The following CDK14 variants were observed in gnomAD, a reference collection of about 807,000 sequenced individuals.
The protein encoded by CDK14 is cyclin dependent kinase 14, also known as cyclin-dependent kinase 14.
Under a neutral mutation model 60.7 loss-of-function variants are expected in CDK14, and 34 were observed. The ratio of observed to expected loss-of-function variants is 0.56; its 90% CI spans 0.43 to 0.75. The LOEUF is 0.75. Ranked by LOEUF, CDK14 falls within the 30% of genes least tolerant of loss-of-function variation. CDK14 has a pLI of 0.00. For missense variants in CDK14, 482 were observed against 564.1 expected (o/e 0.85, Z 1.47); for synonymous variants, 197 against 203.7 (o/e 0.97, Z 0.28).
chr7:90,817,894 C>T (rs1359455971), intron 5 of CDK14, among the ~76,000 whole-genome samples: 1 of 152,098 alleles, frequency 6.6e-6, no homozygotes, highest in Non-Finnish European at 1.5e-5. Context: ...CCGGATGGTT[C>T]ATGGTGGGTA....
chr7:91,013,664 T>TTTG (rs1796224542), intron 10 of CDK14, among the ~76,000 whole-genome samples: 1 of 151,032 alleles, frequency 6.6e-6, no homozygotes, highest in Non-Finnish European at 1.5e-5. Context: ...CTGTTTTTTT[T>TTTG]TTTTTTTTTT....
At chr7:90,771,914 A>G (rs1408161782) in intron 4 of CDK14, among the ~76,000 whole-genome samples, 1 of 152,220 alleles carries the variant, frequency 6.6e-6, no homozygotes, top group African/African-American at 2.4e-5. Flanking sequence ...ATTGCTATCA[A>G]CAGTACTGTA....
chr7:90,636,970 C>A (rs368634275), intron 2 of CDK14, among the ~76,000 whole-genome samples: 1 of 151,140 alleles, frequency 6.6e-6, no homozygotes, highest in Non-Finnish European at 1.5e-5. Flanking sequence ...TCTGTGGGAT[C>A]GGTGGTGATA....
At chr7:91,016,708 A>G (rs1039330904) in intron 10 of CDK14, among the ~76,000 whole-genome samples, 1 of 152,196 alleles carries the variant, frequency 6.6e-6, no homozygotes, top group Non-Finnish European at 1.5e-5. Context: ...CACTGCTACT[A>G]TGTATGCTAG....
rs1563030139 is a variant in CDK14 at position 90,649,398 on chromosome 7, T to TTCCTTCC, written c.123+45150_123+45151insCCTTCCT. On this transcript the variant is annotated intron_variant, in intron 2 of 14. Transcript: ENST00000380050. ...CCTTCCTTCCTTCCTTCCTTCCTTCTTTCTTTCTTTCTTTCTTTCTTTCCT... is the reference window on the plus strand; with the variant it reads ...CCTTCCTTCCTTCCTTCCTTCCTTCTTCCTTCCTTCTTTCTTTCTTTCTTTCTTTCCT... Among the ~76,000 whole-genome samples the TTCCTTCC allele has an allele frequency of 2.1e-3, 76 of 36,348 alleles. 12 individuals carry two copies. Among genetic ancestry groups the TTCCTTCC allele is most frequent in the Non-Finnish European group, 2.4e-3 (49 of 20,544 alleles). The allele number at this position is 36,348 out of a possible 152,430, so 23.8% of individuals were successfully genotyped here.
chr7:91,197,019 A>G (rs1189449247), intron 14 of CDK14, among the ~76,000 whole-genome samples: 1 of 152,190 alleles, frequency 6.6e-6, no homozygotes, highest in African/African-American at 2.4e-5. Context: ...GGAAGTCACT[A>G]CTGTGCATAT....
intron 14 of CDK14, among the ~76,000 whole-genome samples, chr7:91,203,197 C>A (rs1229699307): frequency 6.6e-6 from 1 of 152,196 alleles, no homozygotes; most frequent in African/African-American, 2.4e-5. Flanking sequence ...GGTGGTGTAT[C>A]TGTGAATGGC....
intron 8 of CDK14, among the ~76,000 whole-genome samples, chr7:90,945,167 A>C (rs1794063811): frequency 2.6e-5 from 4 of 152,174 alleles, no homozygotes; most frequent in Admixed American, 2.0e-4. Context: ...AGCCCAGAGG[A>C]TCTATTAAGA....
At chr7:90,906,645 G>A (rs1206827107) in intron 7 of CDK14, among the ~76,000 whole-genome samples, 1 of 151,904 alleles carries the variant, frequency 6.6e-6, no homozygotes, top group African/African-American at 2.4e-5. Context: ...GTATATAATT[G>A]TGTATTGTAA....
intron 2 of CDK14, among the ~76,000 whole-genome samples, chr7:90,670,180 T>C (rs1182111352): frequency 2.0e-5 from 3 of 152,202 alleles, no homozygotes; most frequent in African/African-American, 4.8e-5. Flanking sequence ...ATTTGGGAAG[T>C]GGCATTAAGT....
At chr7:90,799,699 A>G (rs988654809) in intron 5 of CDK14, among the ~76,000 whole-genome samples, 1 of 148,210 alleles carries the variant, frequency 6.7e-6, no homozygotes, top group Non-Finnish European at 1.5e-5. Flanking sequence ...TCAAAAAAAA[A>G]AAAAAAAAAA....
At chr7:90,943,562 T>TATATTAATAGCCTTATGGTATAAATAAGA (rs1793999670) in intron 8 of CDK14, among the ~76,000 whole-genome samples, 1 of 152,222 alleles carries the variant, frequency 6.6e-6, no homozygotes, top group Non-Finnish European at 1.5e-5. Context: ...TGGTAGCTTG[T>TATATTAATAGCCTTATGGTATAAATAAGA]ATATTAATAG....
chr7:90,845,545 A>T (rs1310790385), intron 5 of CDK14, among the ~76,000 whole-genome samples: 1 of 151,912 alleles, frequency 6.6e-6, no homozygotes, highest in Admixed American at 6.6e-5. Flanking sequence ...ACAAAGAAAG[A>T]AAATATCCAA....
intron 9 of CDK14, among the ~76,000 whole-genome samples, chr7:90,962,254 A>G (rs1406151591): frequency 6.6e-6 from 1 of 152,208 alleles, no homozygotes; most frequent in Non-Finnish European, 1.5e-5. Context: ...TGGGAGGCCA[A>G]GGCGGGTGGA....
intron 2 of CDK14, among the ~76,000 whole-genome samples, chr7:90,718,019 T>G (rs1323575454): frequency 2.0e-5 from 3 of 151,998 alleles, no homozygotes; most frequent in South Asian, 4.1e-4. Flanking sequence ...TATATTTCAG[T>G]AACAAATTAT....
rs1228713373 is a variant in CDK14, at chr7:90,627,107, A to G, written c.123+22858A>G. ...ATTGAGATTTTTACTCTTATTTTGT[A>G]TTGCTTTAAAAATCTGCTTGTGTAC... On this transcript the variant is annotated intron_variant, in intron 2 of 14. Transcript: ENST00000380050. Among the ~76,000 whole-genome samples the G allele has an allele frequency of 2.0e-5, 3 of 152,120 alleles. 1 individual carries two copies. The Middle Eastern group carries it at 9.5e-3, about 481-fold the overall frequency.
chr7:90,785,206 T>A (rs1805526956), intron 4 of CDK14, among the ~76,000 whole-genome samples: 1 of 152,230 alleles, frequency 6.6e-6, no homozygotes, highest in Non-Finnish European at 1.5e-5. Flanking sequence ...ATTGCTTTAA[T>A]TTCCTTCATA....
chr7:90,596,452 C>T lies in CDK14; in HGVS notation c.-176C>T, dbSNP rs1799187089. Reference sequence around the variant, plus strand: ...AGCTGCGGCCCAGGCCGGAGCGGAGCCTGCCGTCCTCCGCCTGCCTGCTGC... The same window carrying T: ...AGCTGCGGCCCAGGCCGGAGCGGAGTCTGCCGTCCTCCGCCTGCCTGCTGC... On this transcript the variant is annotated 5_prime_UTR_variant, in exon 1 of 15. Coordinates refer to ENST00000380050, the MANE Select transcript of CDK14 (RefSeq NM_001287135.2). 7.8e-6 allele frequency: 4 copies of T among 513,678 alleles called. No individual in the cohort carries two copies. The highest frequency in any genetic ancestry group is 1.4e-5 in the Non-Finnish European group (4 of 291,176). The allele number at this position is 513,678 out of a possible 1,614,324, so 31.8% of individuals were successfully genotyped here. A position where few individuals can be genotyped will look rare whatever the true frequency, so the allele number is the denominator to read the frequency against.
At position 90,840,194 on chromosome 7, in the gene CDK14, A is replaced by G. The variant is rs905637155; in HGVS notation, c.545-22981A>G. Among the ~76,000 whole-genome samples the G allele has an allele frequency of 2.6e-5, 4 of 152,164 alleles. No individual in the cohort carries two copies. In the East Asian group the frequency reaches 5.8e-4, roughly 22 times the overall value. On this transcript the variant is annotated intron_variant, in intron 5 of 14. Transcript: ENST00000380050. ...GTCTTTTCTAGCCTGGCAACTGCCT[A>G]TCTTTGTTTCAAAGCCCTGTTTAAT...
Sources: gnomAD v4.1 joint callset for allele counts (sites outside exome capture counted in the v4.1 genomes callset) on GRCh38, gnomAD v4.1.1 for gene constraint, MANE v1.5 for transcripts, NCBI Gene and HGNC (gene_info 2026-07-23, HGNC 2026-07-21) for gene names.